The following MARCHF1 variants were observed in gnomAD, a reference collection of about 807,000 sequenced individuals.
The protein encoded by MARCHF1 is E3 ubiquitin-protein ligase MARCHF1.
In MARCHF1, 40 loss-of-function variants were observed where a neutral mutation model predicts 54.2. That is an observed-to-expected ratio of 0.74 (90% CI 0.57 to 0.96). The LOEUF is 0.96. Ranked by LOEUF, MARCHF1 falls within the 40% of genes least tolerant of loss-of-function variation. MARCHF1 has a pLI of 0.00. For missense variants in MARCHF1, 586 were observed against 656.5 expected (o/e 0.89, Z 1.17); for synonymous variants, 236 against 236.3 (o/e 1.00, Z 0.01).
chr4:164,101,522 GGGT>G (rs1560904716), intron 2 of MARCHF1, among the ~76,000 whole-genome samples: 5 of 129,286 alleles, frequency 3.9e-5, no homozygotes, highest in Admixed American at 8.3e-5. Context: ...TAACATGGCA[GGGT>G]ACTCCAACAG....
At chr4:163,950,013 C>T (rs1037998409) in intron 3 of MARCHF1, among the ~76,000 whole-genome samples, 49 of 152,278 alleles carry the variant, frequency 3.2e-4, no homozygotes, top group Non-Finnish European at 3.8e-4. Flanking sequence ...GAAGTGTGTG[C>T]TGATTGGTCC....
chr4:163,952,212 G>C (rs1453893253), intron 3 of MARCHF1, among the ~76,000 whole-genome samples: 1 of 152,108 alleles, frequency 6.6e-6, no homozygotes, highest in Non-Finnish European at 1.5e-5. Flanking sequence ...GAGTATAGTA[G>C]ATGTCATCTA....
At chr4:164,361,733 CAT>C (rs1223722906) in intron 1 of MARCHF1, among the ~76,000 whole-genome samples, 1 of 152,050 alleles carries the variant, frequency 6.6e-6, no homozygotes, top group African/African-American at 2.4e-5. Context: ...TCATTTTAAA[CAT>C]GTACAATTTT....
chr4:164,053,110 G>C (rs1304868415), intron 2 of MARCHF1, among the ~76,000 whole-genome samples: 1 of 152,072 alleles, frequency 6.6e-6, no homozygotes, highest in Non-Finnish European at 1.5e-5. Context: ...TGTAGTTATT[G>C]GGGGAGCATA....
chr4:163,904,107 C>T (rs1024929786), intron 3 of MARCHF1, among the ~76,000 whole-genome samples: 2 of 152,096 alleles, frequency 1.3e-5, no homozygotes, highest in African/African-American at 4.8e-5. Flanking sequence ...TTAACTGTGA[C>T]TAATAATATT....
intron 4 of MARCHF1, among the ~76,000 whole-genome samples, chr4:163,730,316 C>T (rs1285384935): frequency 6.6e-6 from 1 of 152,070 alleles, no homozygotes; most frequent in Non-Finnish European, 1.5e-5. Flanking sequence ...TTCCATTTCT[C>T]CCTTCAGCTC....
chr4:163,616,607 T>C (rs983571602), intron 5 of MARCHF1, among the ~76,000 whole-genome samples: 4 of 152,050 alleles, frequency 2.6e-5, no homozygotes, highest in African/African-American at 9.7e-5. Flanking sequence ...CAAATGGGCA[T>C]GGCGGTGCAT....
intron 3 of MARCHF1, among the ~76,000 whole-genome samples, chr4:163,865,807 G>A (rs1409474446): frequency 1.3e-5 from 2 of 151,474 alleles, no homozygotes; most frequent in Non-Finnish European, 3.0e-5. Flanking sequence ...TTGCCTGAAT[G>A]TCTAGGTTTA....
chr4:164,234,019 A>G (rs1462351284), intron 1 of MARCHF1, among the ~76,000 whole-genome samples: 9 of 152,192 alleles, frequency 5.9e-5, no homozygotes, highest in Non-Finnish European at 1.3e-4. Context: ...GCATTTTTCA[A>G]TAAGAATTTA....
chr4:164,077,166 T>C (rs1754998953), intron 2 of MARCHF1, among the ~76,000 whole-genome samples: 1 of 152,164 alleles, frequency 6.6e-6, no homozygotes, highest in Non-Finnish European at 1.5e-5. Flanking sequence ...AACATGGCAC[T>C]GGTACCAAAA....
intron 2 of MARCHF1, among the ~76,000 whole-genome samples, chr4:164,074,256 G>A (rs1036055668): frequency 1.3e-5 from 2 of 152,128 alleles, no homozygotes; most frequent in Non-Finnish European, 2.9e-5. Context: ...CCACCTTTAA[G>A]AGTCTGACTG....
intron 2 of MARCHF1, among the ~76,000 whole-genome samples, chr4:164,067,496 C>CA (rs1754754667): frequency 1.3e-5 from 2 of 152,146 alleles, no homozygotes; most frequent in Admixed American, 1.3e-4. Context: ...ACTCCTTATT[C>CA]AATAAATGGT....
chr4:163,750,695 T>G (rs571320731), intron 4 of MARCHF1, among the ~76,000 whole-genome samples: 8 of 152,232 alleles, frequency 5.3e-5, no homozygotes, highest in Non-Finnish European at 1.2e-4. Context: ...TTTATGAAGT[T>G]AGCATAACCT....
At chr4:163,734,704 T>C (rs1483579629) in intron 4 of MARCHF1, among the ~76,000 whole-genome samples, 1 of 152,108 alleles carries the variant, frequency 6.6e-6, no homozygotes, top group African/African-American at 2.4e-5. Context: ...AGAGGAATTG[T>C]ATAGGGCATG....
rs1015634727 is a variant in MARCHF1 at position 164,183,492 on chromosome 4, G to A, written c.-322-71830C>T. ...TGTAAAAGCTTCTAATTTTTATGTG[G>A]TCAAAAGCATCAATCTTTTCTTTCA... On this transcript the variant is annotated intron_variant, in intron 1 of 9. Transcript: ENST00000514618. 2.0e-5 allele frequency among the ~76,000 whole-genome samples: 3 copies of A among 152,210 alleles called. No individual in the cohort carries two copies. The South Asian group carries it at 6.2e-4, about 32-fold the overall frequency.
At chr4:163,557,472 C>T (rs1739330082) in intron 8 of MARCHF1, among the ~76,000 whole-genome samples, 1 of 149,702 alleles carries the variant, frequency 6.7e-6, no homozygotes, top group African/African-American at 2.5e-5. Context: ...TCTTTGGGAG[C>T]CCATGCCAAG....
At chr4:163,565,857 A>G (rs1416761702) in intron 8 of MARCHF1, among the ~76,000 whole-genome samples, 1 of 152,252 alleles carries the variant, frequency 6.6e-6, no homozygotes, top group Non-Finnish European at 1.5e-5. Flanking sequence ...AATAATGAGC[A>G]TAAATAAGGA....
chr4:164,069,568 C>CA (rs1355292918), intron 2 of MARCHF1, among the ~76,000 whole-genome samples: 1 of 152,124 alleles, frequency 6.6e-6, no homozygotes, highest in African/African-American at 2.4e-5. Flanking sequence ...AGAAGGTCTG[C>CA]AGCTTCACTC....
chr4:163,540,850 T>G (rs1738699148), intron 9 of MARCHF1, among the ~76,000 whole-genome samples: 1 of 152,086 alleles, frequency 6.6e-6, no homozygotes, highest in South Asian at 2.1e-4. Context: ...GATGAAACCT[T>G]GTCCCTACAA....
Sources: allele counts gnomAD v4.1 joint callset (sites outside exome capture counted in the v4.1 genomes callset), GRCh38; gene constraint gnomAD v4.1.1; transcripts MANE v1.5; gene names NCBI Gene and HGNC (gene_info 2026-07-23, HGNC 2026-07-21).